The following FBXW11 variants were observed in gnomAD, a reference collection of about 807,000 sequenced individuals.
The protein encoded by FBXW11 is F-box and WD repeat domain containing 11, also known as F-box/WD repeat-containing protein 11.
Under a neutral mutation model 77.6 loss-of-function variants are expected in FBXW11, and 19 were observed. The ratio of observed to expected loss-of-function variants is 0.24; its 90% CI spans 0.17 to 0.36. The LOEUF (loss-of-function observed/expected upper bound fraction) is 0.36. Ranked by LOEUF, FBXW11 falls within the 10% of genes least tolerant of loss-of-function variation. FBXW11 has a pLI of 1.00. For synonymous variants in FBXW11, 235 were observed against 249.4 expected, an observed-to-expected ratio of 0.94 and a Z score of 0.54; for missense variants, 334 against 704.2, an observed-to-expected ratio of 0.47 and a Z score of 5.95.
At chr5:171,893,014 C>A (rs1373597051) in intron 6 of FBXW11, among the ~76,000 whole-genome samples, 1 of 152,166 alleles carries the variant, frequency 6.6e-6, no homozygotes, top group Non-Finnish European at 1.5e-5. Context: ...ACATGCCAGG[C>A]ACTATGCTTT....
In FBXW11 at chr5:171,862,084, A is replaced by G. The variant is rs1035941768; in HGVS notation, c.*2043T>C. The G allele has an allele frequency of 6.6e-6, 1 of 152,626 alleles. No individual in the cohort carries two copies. Among genetic ancestry groups the G allele is most frequent in the Non-Finnish European group, 1.5e-5 (1 of 68,048 alleles). 9.5% of individuals were successfully genotyped at this position (152,626 alleles called of 1,614,324 possible). The stretch of plus-strand genomic sequence containing the variant: ...CTTCTATATTAAACATGCAAAAACA[A>G]CAAAAAATCCATTCATTCATTCAGA... On this transcript the variant is annotated 3_prime_UTR_variant, in exon 14 of 14. Transcript: ENST00000517395.
chr5:171,919,718 T>G (rs1761465196), intron 2 of FBXW11, among the ~76,000 whole-genome samples: 1 of 152,202 alleles, frequency 6.6e-6, no homozygotes, highest in South Asian at 2.1e-4. Flanking sequence ...CAACTTGCCT[T>G]GGGTTACACA....
At chr5:171,960,184 T>C (rs1412714739) in intron 1 of FBXW11, among the ~76,000 whole-genome samples, 1 of 152,204 alleles carries the variant, frequency 6.6e-6, no homozygotes, top group Non-Finnish European at 1.5e-5. Flanking sequence ...GAGACCAGCC[T>C]GAGCAACATG....
chr5:171,884,937 C>T (rs1215128170), intron 7 of FBXW11, among the ~76,000 whole-genome samples: 2 of 152,106 alleles, frequency 1.3e-5, no homozygotes, highest in Non-Finnish European at 2.9e-5. Flanking sequence ...AAAGGAAATG[C>T]TATAAACAGG....
chr5:171,930,771 A>AG (rs1363601270), intron 2 of FBXW11, among the ~76,000 whole-genome samples: 1 of 149,726 alleles, frequency 6.7e-6, no homozygotes, highest in Non-Finnish European at 1.5e-5. Flanking sequence ...ATAAAAAAAA[A>AG]AAAAAGAAAA....
chr5:171,893,420 C>CAAAAAAA lies in FBXW11; in HGVS notation c.715-1817_715-1816insTTTTTTT, dbSNP rs1561656713. On this transcript the variant is annotated intron_variant, in intron 6 of 13. Coordinates refer to ENST00000517395, the MANE Select transcript of FBXW11 (RefSeq NM_001378974.1). ...AGACATACAAAAGCACACTTCAAAA[C>CAAAAAAA]CAAAAAAAAAAAAAAAAAAAAAAAA... Among the ~76,000 whole-genome samples the CAAAAAAA allele has an allele frequency of 4.4e-4, 2 of 4,532 alleles. 1 individual carries two copies. The highest frequency in any genetic ancestry group is 0.062 in the South Asian group (2 of 32). 3.0% of individuals were successfully genotyped at this position (4,532 alleles called of 152,430 possible). A position where few individuals can be genotyped will look rare whatever the true frequency, so the allele number is the denominator to read the frequency against.
chr5:171,931,892 T>A (rs1424929655), intron 2 of FBXW11, among the ~76,000 whole-genome samples: 3 of 111,240 alleles, frequency 2.7e-5, no homozygotes, highest in African/African-American at 1.1e-4. Flanking sequence ...TCTCTCTCTC[T>A]CTCACAGGGT....
intron 2 of FBXW11, among the ~76,000 whole-genome samples, chr5:171,957,145 T>G (rs914801079): frequency 1.3e-5 from 2 of 152,146 alleles, no homozygotes; most frequent in African/African-American, 2.4e-5. Context: ...TTTATGCCAG[T>G]AGTGATTCCC....
intron 2 of FBXW11, among the ~76,000 whole-genome samples, chr5:171,917,955 G>C (rs981968431): frequency 6.6e-6 from 1 of 151,882 alleles, no homozygotes; most frequent in Admixed American, 6.6e-5. Flanking sequence ...GTTGGACATG[G>C]ACAGCCCCCA....
At chr5:171,998,796 C>CAAAA (rs34476350) in intron 1 of FBXW11, among the ~76,000 whole-genome samples, 2 of 60,040 alleles carry the variant, frequency 3.3e-5, no homozygotes, top group Non-Finnish European at 3.8e-5. Flanking sequence ...GACTCCGTCT[C>CAAAA]AAAAAAAAAA....
At chr5:171,970,779 T>C (rs182567580) in intron 1 of FBXW11, among the ~76,000 whole-genome samples, 93 of 152,356 alleles carry the variant, frequency 6.1e-4, no homozygotes, top group Admixed American at 1.7e-3. Flanking sequence ...CCCTTAATTT[T>C]ACAGTAAAGT....
At chr5:171,917,887 T>C (rs1194546354) in intron 2 of FBXW11, among the ~76,000 whole-genome samples, 1 of 152,044 alleles carries the variant, frequency 6.6e-6, no homozygotes, top group African/African-American at 2.4e-5. Context: ...AAAGGTTCTA[T>C]AATATACTAT....
chr5:171,939,772 T>C (rs1407327214), intron 2 of FBXW11, among the ~76,000 whole-genome samples: 5 of 151,256 alleles, frequency 3.3e-5, no homozygotes, highest in African/African-American at 9.7e-5. Flanking sequence ...TGTTAGTACA[T>C]GTATTTTTCA....
chr5:171,952,418 C>CATATATATATATAT (rs1763372365), intron 2 of FBXW11, among the ~76,000 whole-genome samples: 1 of 32,396 alleles, frequency 3.1e-5, no homozygotes, highest in East Asian at 1.3e-3. Context: ...GTTGTGTGTA[C>CATATATATATATAT]ATACATATAT....
intron 1 of FBXW11, among the ~76,000 whole-genome samples, chr5:171,971,631 GA>G (rs34729639): frequency 0.75 from 113,395 of 151,250 alleles, 45,321 homozygotes; most frequent in East Asian, 0.95. Context: ...CAGTGAGGAG[GA>G]AAAAAAAAAA....
intron 7 of FBXW11, among the ~76,000 whole-genome samples, chr5:171,886,575 AAAAT>A (rs965480850): frequency 2.8e-4 from 43 of 151,926 alleles, no homozygotes; most frequent in South Asian, 4.1e-4. Context: ...AGTATAATAA[AAAAT>A]AAATAAATAA....
chr5:171,944,856 A>G (rs1304457239), intron 2 of FBXW11, among the ~76,000 whole-genome samples: 1 of 152,234 alleles, frequency 6.6e-6, no homozygotes, highest in African/African-American at 2.4e-5. Context: ...AAGTAGTCCT[A>G]ACTATGACAG....
chr5:171,872,857 C>T lies in FBXW11; in HGVS notation c.1340+15G>A. Reference sequence around the variant, plus strand: ...AAAATCAGCCTGCTCTGTCAGCACACCAACTTCTACCCACCTAATGGTATT... The same window carrying T: ...AAAATCAGCCTGCTCTGTCAGCACATCAACTTCTACCCACCTAATGGTATT... On this transcript the variant is annotated intron_variant, in intron 10 of 13. Transcript: ENST00000517395. The T allele has an allele frequency of 6.3e-7, 1 of 1,598,832 alleles. No homozygotes were observed. The highest frequency in any genetic ancestry group is 8.6e-7 in the Non-Finnish European group (1 of 1,166,668).
intron 4 of FBXW11, among the ~76,000 whole-genome samples, chr5:171,903,674 C>T (rs926242476): frequency 6.6e-6 from 1 of 152,134 alleles, no homozygotes; most frequent in Middle Eastern, 3.2e-3. Context: ...ATTACAGCAT[C>T]TCACTCTGTT....
Sources: gnomAD v4.1 joint callset for allele counts (sites outside exome capture counted in the v4.1 genomes callset) on GRCh38, gnomAD v4.1.1 for gene constraint, MANE v1.5 for transcripts, NCBI Gene and HGNC (gene_info 2026-07-23, HGNC 2026-07-21) for gene names.